TMEM184B: variants seen among roughly 807,000 people sequenced by gnomAD.
The protein encoded by TMEM184B is putative MAPK-activating protein FM08.
A neutral mutation model predicts 41.8 loss-of-function variants in TMEM184B; 17 were observed. The ratio of observed to expected loss-of-function variants is 0.41; its 90% CI spans 0.28 to 0.61. The LOEUF is 0.61. Ranked by LOEUF, TMEM184B falls within the 20% of genes least tolerant of loss-of-function variation. TMEM184B has a pLI of 0.34. For missense variants in TMEM184B, 393 were observed against 557.8 expected (o/e 0.70, Z 2.98); for synonymous variants, 240 against 229.5 (o/e 1.05, Z -0.41).
At chr22:38,240,731 G>GAAAAAAAAAAAAA (rs2091885768) in intron 3 of TMEM184B, among the ~76,000 whole-genome samples, 1 of 57,062 alleles carries the variant, frequency 1.8e-5, no homozygotes. Flanking sequence ...GGAAAAAAAG[G>GAAAAAAAAAAAAA]CAAAAAAAAA....
chr22:38,267,058 T>A, intron 1 of TMEM184B, among the ~76,000 whole-genome samples: 1 of 146,836 alleles, frequency 6.8e-6, no homozygotes, highest in Non-Finnish European at 1.5e-5. Flanking sequence ...ACTGTCTGCC[T>A]GGGCGACAGA....
In TMEM184B at chr22:38,219,720, CTG is replaced by C. The variant is rs1491290007; in HGVS notation, c.*1747_*1748del. 20 of 985,624 alleles carry C rather than the reference CTG, an allele frequency of 2.0e-5. No individual in the cohort carries two copies. Among genetic ancestry groups the C allele is most frequent in the Non-Finnish European group, 2.4e-5 (20 of 830,140 alleles). The allele number at this position is 985,624 out of a possible 1,614,324, so 61.1% of individuals were successfully genotyped here. A position where few individuals can be genotyped will look rare whatever the true frequency, so the allele number is the denominator to read the frequency against. On this transcript the variant is annotated 3_prime_UTR_variant, in exon 9 of 9. Transcript: ENST00000361906. ...GAGTGGGAATCAGCAGCACTTTGGCCTGGAGGGAGAAGGGAAGCCACGGTGGA... is the reference window on the plus strand; with the variant it reads ...GAGTGGGAATCAGCAGCACTTTGGCCGAGGGAGAAGGGAAGCCACGGTGGA...
chr22:38,254,314 T>A (rs2145730827), intron 1 of TMEM184B, among the ~76,000 whole-genome samples: 1 of 148,280 alleles, frequency 6.7e-6, no homozygotes, highest in South Asian at 2.1e-4. Flanking sequence ...ACACAGCAAA[T>A]AAGTACATGG....
At chr22:38,219,178 T>A (rs964818860), downstream of TMEM184B, 19 of 838,608 alleles carry the variant, frequency 2.3e-5, no homozygotes, top group Middle Eastern at 6.0e-4. Flanking sequence ...ACTGAAAGGT[T>A]ACACACAGGA....
In TMEM184B at chr22:38,220,000, A is replaced by T. The variant is rs2091215897; in HGVS notation, c.*1469T>A. 1.0e-6 allele frequency: 1 copy of T among 985,432 alleles called. No homozygotes were observed. Among genetic ancestry groups the T allele is most frequent in the South Asian group, 4.7e-5 (1 of 21,280 alleles). 61.0% of individuals were successfully genotyped at this position (985,432 alleles called of 1,614,324 possible). On this transcript the variant is annotated 3_prime_UTR_variant, in exon 9 of 9. Coordinates refer to ENST00000361906, the MANE Select transcript of TMEM184B (RefSeq NM_012264.5). ...TGTTCATTCCAGGAAGGACCAAAAG[A>T]AAGAATCCCCAGTGAACACCGGCAG...
At chr22:38,253,214 G>A (rs1248724816) in intron 1 of TMEM184B, among the ~76,000 whole-genome samples, 5 of 152,132 alleles carry the variant, frequency 3.3e-5, no homozygotes, top group Admixed American at 6.6e-5. Flanking sequence ...CCTGGCACTC[G>A]GGGAGGTGAG....
At chr22:38,256,433 C>T (rs891637622) in intron 1 of TMEM184B, among the ~76,000 whole-genome samples, 2 of 151,832 alleles carry the variant, frequency 1.3e-5, no homozygotes, top group Admixed American at 6.6e-5. Context: ...AGGCTGGTCT[C>T]TTGGACAGGG....
At chr22:38,256,295 C>T (rs2092277870) in intron 1 of TMEM184B, among the ~76,000 whole-genome samples, 1 of 151,324 alleles carries the variant, frequency 6.6e-6, no homozygotes, top group South Asian at 2.1e-4. Context: ...CTCACTGTAA[C>T]CTCTGCCTCC....
chr22:38,246,808 C>T, intron 2 of TMEM184B: 1 of 1,280,352 alleles, frequency 7.8e-7, no homozygotes, highest in East Asian at 5.8e-5. Context: ...TGCTCTACCA[C>T]AGTCCTCAGT....
intron 2 of TMEM184B, among the ~76,000 whole-genome samples, chr22:38,246,388 G>A (rs954021984): frequency 6.6e-6 from 1 of 152,238 alleles, no homozygotes; most frequent in African/African-American, 2.4e-5. Context: ...CCTGCCCACA[G>A]GAAGGCCAAG....
chr22:38,250,926 G>A (rs890765515), intron 1 of TMEM184B, among the ~76,000 whole-genome samples: 5 of 152,154 alleles, frequency 3.3e-5, no homozygotes, highest in African/African-American at 1.2e-4. Context: ...TTCACAAGAG[G>A]AAATGCACCC....
At chr22:38,227,273 G>T (rs2091472888) in intron 5 of TMEM184B, among the ~76,000 whole-genome samples, 1 of 152,138 alleles carries the variant, frequency 6.6e-6, no homozygotes. Flanking sequence ...CTCGAGCCAG[G>T]ACCATCAGGT....
In TMEM184B at chr22:38,225,552, ATGT is replaced by A. The variant is rs769332031; in HGVS notation, c.656_658del (p.Asn219del). On this transcript the variant is annotated inframe_deletion, in exon 7 of 9. Transcript: ENST00000361906. The surrounding 1 kb of genome is among the most constrained non-coding windows in gnomAD (Gnocchi z 4.4). Reference sequence around the variant, plus strand: ...GGCGTAGAGGGCCAGGCTGACGGAGATGTTGTAGATGATGGTCACGTAGAGGTA... The same window carrying A: ...GGCGTAGAGGGCCAGGCTGACGGAGATGTAGATGATGGTCACGTAGAGGTA... 17 of 1,605,210 alleles carry A rather than the reference ATGT, an allele frequency of 1.1e-5. No homozygotes were observed. The highest frequency in any genetic ancestry group is 3.5e-5 in the Admixed American group (2 of 57,950).
intron 1 of TMEM184B, among the ~76,000 whole-genome samples, chr22:38,248,447 C>A (rs1039230125): frequency 3.9e-5 from 6 of 152,200 alleles, no homozygotes; most frequent in African/African-American, 1.4e-4. Context: ...ACATATTAAG[C>A]CTGCTTCTGC....
chr22:38,238,089 T>A (rs2091822044), intron 3 of TMEM184B, among the ~76,000 whole-genome samples: 1 of 151,220 alleles, frequency 6.6e-6, no homozygotes, highest in South Asian at 2.1e-4. Flanking sequence ...TGTGAGCCAC[T>A]GCGCCCAGCC....
At chr22:38,272,820 C>A in intron 1 of TMEM184B, 64 bp downstream of exon 1, 1 of 984,854 alleles carries the variant, frequency 1.0e-6, no homozygotes, top group African/African-American at 1.7e-5. Flanking sequence ...ACAAGCAGCC[C>A]CCCGCGCTCG....
chr22:38,235,687 C>G (rs1452173514), intron 3 of TMEM184B, among the ~76,000 whole-genome samples: 1 of 152,228 alleles, frequency 6.6e-6, no homozygotes, highest in East Asian at 1.9e-4. Context: ...CCAAGCCTGG[C>G]CCCACTGACC....
rs765773710 is a variant in TMEM184B, at chr22:38,230,654, G to C, written c.525+15C>G. Reference sequence around the variant, plus strand: ...CCTGCTCCTCCTGAGCTAGGCAGCTGCTGGGGGCACACACCTGTTTGCAGA... The same window carrying C: ...CCTGCTCCTCCTGAGCTAGGCAGCTCCTGGGGGCACACACCTGTTTGCAGA... On this transcript the variant is annotated intron_variant, in intron 5 of 8. Coordinates refer to ENST00000361906, the MANE Select transcript of TMEM184B (RefSeq NM_012264.5). 5 of 1,605,882 alleles carry C rather than the reference G, an allele frequency of 3.1e-6. No individual in the cohort carries two copies. The South Asian group carries it at 3.4e-5, about 11-fold the overall frequency.
At position 38,257,619 on chromosome 22, in the gene TMEM184B, G is replaced by A. The variant is rs192868439; in HGVS notation, c.-58-9600C>T. On this transcript the variant is annotated intron_variant, in intron 1 of 8. Coordinates refer to ENST00000361906, the MANE Select transcript of TMEM184B (RefSeq NM_012264.5). ...TATGAACCCAGGAGGTTTCTGTACC[G>A]TCAACAAAGTAAAAATTTTCTTTAT... Among the ~76,000 whole-genome samples, 54 of 152,216 alleles carry A rather than the reference G, an allele frequency of 3.5e-4. No individual in the cohort carries two copies. In the East Asian group the frequency reaches 7.3e-3, roughly 21 times the overall value.
Sources: allele counts gnomAD v4.1 joint callset (sites outside exome capture counted in the v4.1 genomes callset), GRCh38; gene constraint gnomAD v4.1.1; non-coding constraint Gnocchi (gnomAD v3.1); transcripts MANE v1.5; gene names NCBI Gene and HGNC (gene_info 2026-07-23, HGNC 2026-07-21).